Variants in TBC1D2 observed in about 807,000 individuals in gnomAD.
TBC1D2 encodes TBC1 domain family member 2.
Under a neutral mutation model 91.1 loss-of-function variants are expected in TBC1D2, and 58 were observed. The ratio of observed to expected loss-of-function variants is 0.64; its 90% CI spans 0.52 to 0.79. The LOEUF is 0.79. Among genes scored for constraint, TBC1D2 ranks in the 30% least tolerant of loss-of-function variants. The pLI, the probability that TBC1D2 is intolerant of heterozygous loss-of-function variation, is 0.00. For missense variants in TBC1D2, 1,080 were observed against 1,208.3 expected (o/e 0.89, Z 1.57); for synonymous variants, 482 against 511.5 (o/e 0.94, Z 0.78).
At chr9:98,225,247 G>A (rs942842408) in intron 5 of TBC1D2, among the ~76,000 whole-genome samples, 1 of 152,198 alleles carries the variant, frequency 6.6e-6, no homozygotes, top group African/African-American at 2.4e-5. Context: ...GCTGGGTGGA[G>A]TTCTGTCAAC....
chr9:98,200,210 G>C (rs770615942), intron 12 of TBC1D2, 43 bp downstream of exon 12: 4 of 1,610,762 alleles, frequency 2.5e-6, no homozygotes, highest in Non-Finnish European at 3.4e-6. Flanking sequence ...TGTCCTTGGG[G>C]GTGTGTGAGT....
chr9:98,201,715 C>A, intron 10 of TBC1D2, 51 bp from the exon 11 acceptor site: 1 of 1,538,052 alleles, frequency 6.5e-7, no homozygotes, highest in South Asian at 1.2e-5. Context: ...GTAGGGCTGC[C>A]TCCCTCCCTG....
In TBC1D2 at chr9:98,221,001, C is replaced by T; in HGVS notation, c.1206G>A (p.Gln402=). ...LREQQVQELQ[Q]HVQLLMDKNH... is the part of the protein sequence containing the mutation. ...TCTTGTCCATAAGCAGCTGCACGTG[C>T]TGCTGTAGCTCCTGCACCTGCTGCT... The change falls in exon 6 of 13, where the codon CAG becomes CAA. Residue 402 remains glutamine, a synonymous_variant. Transcript: ENST00000465784. The T allele has an allele frequency of 1.2e-6, 2 of 1,614,176 alleles. No homozygotes were observed. Among genetic ancestry groups the T allele is most frequent in the Non-Finnish European group, 1.7e-6 (2 of 1,180,028 alleles).
intron 2 of TBC1D2, among the ~76,000 whole-genome samples, chr9:98,245,235 A>G (rs1405857811): frequency 1.3e-5 from 2 of 150,662 alleles, no homozygotes; most frequent in African/African-American, 4.9e-5. Flanking sequence ...GTGAGACTCC[A>G]TCTCAAAAAA....
At position 98,220,824 on chromosome 9, in the gene TBC1D2, G is replaced by A. The variant is rs748965762; in HGVS notation, c.1374+9C>T. ...GCAGGACTGGCAGGCCCTGAGGGGA[G>A]GCCCCTACCTTCAGGTGCTCTATCT... On this transcript the variant is annotated intron_variant, in intron 6 of 12. Transcript: ENST00000465784. The A allele has an allele frequency of 1.2e-6, 2 of 1,612,498 alleles. No homozygotes were observed. Among genetic ancestry groups the A allele is most frequent in the Admixed American group, 3.3e-5 (2 of 59,944 alleles).
intron 6 of TBC1D2, among the ~76,000 whole-genome samples, chr9:98,217,531 T>C (rs567798239): frequency 3.9e-4 from 59 of 152,336 alleles, no homozygotes; most frequent in African/African-American, 1.3e-3. Flanking sequence ...AGGTCAGTGA[T>C]CCTGTTCTCA....
At chr9:98,243,368 A>C (rs1829692057) in intron 3 of TBC1D2, among the ~76,000 whole-genome samples, 1 of 152,024 alleles carries the variant, frequency 6.6e-6, no homozygotes, top group Non-Finnish European at 1.5e-5. Flanking sequence ...ATTATGGATA[A>C]TTAAAAAAAA....
intron 9 of TBC1D2, among the ~76,000 whole-genome samples, chr9:98,204,729 C>T (rs965482951): frequency 6.6e-5 from 10 of 152,166 alleles, no homozygotes; most frequent in Admixed American, 6.5e-5. Flanking sequence ...CTTCCTAAGT[C>T]GAAGCTGAGT....
chr9:98,229,080 C>T lies in TBC1D2; in HGVS notation c.850G>A (p.Ala284Thr), dbSNP rs184294563. Residue 284 changes from alanine (A) to threonine (T), a missense_variant, in exon 5 of 13, where the codon GCC (alanine) becomes ACC (threonine). Ala to Thr is a moderately conservative substitution (Grantham distance 58). Transcript: ENST00000465784. ...PSLTISFAQK[A>T]KRQNNTFPFF... ...GGGAAGGTGTTGTTCTGGCGCTTGG[C>T]TTTCTGAGCGAAACTGATGGTCAGA... The T allele has an allele frequency of 3.7e-5, 60 of 1,614,218 alleles. 1 individual carries two copies. In the East Asian group the frequency reaches 1.2e-3, roughly 34 times the overall value.
At chr9:98,208,576 G>C (rs1222234329) in intron 9 of TBC1D2, 92 bp downstream of exon 9, 1 of 1,338,294 alleles carries the variant, frequency 7.5e-7, no homozygotes, top group Non-Finnish European at 1.0e-6. Context: ...CCCTTAACAG[G>C]CCACAGATGG....
intron 5 of TBC1D2, among the ~76,000 whole-genome samples, chr9:98,227,282 A>T (rs1829254341): frequency 6.6e-6 from 1 of 152,216 alleles, no homozygotes; most frequent in African/African-American, 2.4e-5. Flanking sequence ...CATGAAATGC[A>T]AGCTGTAAGG....
At chr9:98,227,005 T>C (rs952934488) in intron 5 of TBC1D2, among the ~76,000 whole-genome samples, 1 of 152,260 alleles carries the variant, frequency 6.6e-6, no homozygotes, top group Admixed American at 6.5e-5. Flanking sequence ...AGAAAGGCTG[T>C]GTCAAGAGAG....
At chr9:98,226,096 G>T (rs1218989918) in intron 5 of TBC1D2, among the ~76,000 whole-genome samples, 1 of 152,224 alleles carries the variant, frequency 6.6e-6, no homozygotes, top group African/African-American at 2.4e-5. Context: ...CATTCTGAGT[G>T]CCTGGGGGCA....
chr9:98,199,260 G>C lies in TBC1D2; in HGVS notation c.*121C>G. ...GAAACTGAGGGCCAGAGAGGGGAAGGGACATGTCCAAGGTCACATGGTGAT... is the reference window on the plus strand; with the variant it reads ...GAAACTGAGGGCCAGAGAGGGGAAGCGACATGTCCAAGGTCACATGGTGAT... On this transcript the variant is annotated 3_prime_UTR_variant, in exon 13 of 13. Coordinates refer to ENST00000465784, the MANE Select transcript of TBC1D2 (RefSeq NM_001267571.2). 2 of 1,074,378 alleles carry C rather than the reference G, an allele frequency of 1.9e-6. No individual in the cohort carries two copies. The highest frequency in any genetic ancestry group is 2.7e-6 in the Non-Finnish European group (2 of 727,686). 66.6% of individuals were successfully genotyped at this position (1,074,378 alleles called of 1,614,324 possible).
intron 6 of TBC1D2, chr9:98,213,461 G>A: frequency 7.6e-7 from 1 of 1,308,572 alleles, no homozygotes; most frequent in Middle Eastern, 2.9e-4. Context: ...TGTTCTGGCT[G>A]GAAGGCCTCA....
At chr9:98,238,164 A>G (rs890317115) in intron 3 of TBC1D2, among the ~76,000 whole-genome samples, 1 of 136,174 alleles carries the variant, frequency 7.3e-6, no homozygotes, top group Non-Finnish European at 1.5e-5. Flanking sequence ...TTGGCCTCCT[A>G]AAGTGTTGGG....
Position 98,228,870 on chromosome 9 carries a change from C to A in TBC1D2, c.978+82G>T. 5.2e-6 allele frequency: 7 copies of A among 1,354,200 alleles called. No homozygotes were observed. The highest frequency in any genetic ancestry group is 6.1e-6 in the Non-Finnish European group (6 of 981,256). The allele number at this position is 1,354,200 out of a possible 1,614,324, so 83.9% of individuals were successfully genotyped here. A position where few individuals can be genotyped will look rare whatever the true frequency, so the allele number is the denominator to read the frequency against. The stretch of plus-strand genomic sequence containing the variant: ...TAGCTGGTGCCCAGCACGGCTAATG[C>A]GTCCCATCTAGCTTATCCGAAAGGC... On this transcript the variant is annotated intron_variant, in intron 5 of 12. Transcript: ENST00000465784. The surrounding 1 kb of genome is among the most constrained non-coding windows in gnomAD (Gnocchi z 4.0).
chr9:98,199,823 G>A (rs994735421), intron 12 of TBC1D2, among the ~76,000 whole-genome samples: 21 of 152,192 alleles, frequency 1.4e-4, no homozygotes, highest in African/African-American at 5.1e-4. Flanking sequence ...GTCAGGGAAG[G>A]CTTCTTGGAG....
intron 5 of TBC1D2, among the ~76,000 whole-genome samples, chr9:98,227,697 G>A (rs191921541): frequency 2.6e-5 from 4 of 151,488 alleles, no homozygotes; most frequent in Non-Finnish European, 5.9e-5. Flanking sequence ...CAGGAGAATC[G>A]CTTGAACCCG....
Sources: gnomAD v4.1 joint callset for allele counts (sites outside exome capture counted in the v4.1 genomes callset) on GRCh38, gnomAD v4.1.1 for gene constraint, Gnocchi (gnomAD v3.1) non-coding constraint, MANE v1.5 for transcripts, NCBI Gene and HGNC (gene_info 2026-07-23, HGNC 2026-07-21) for gene names.